Variants in GRID2 observed in about 807,000 individuals in gnomAD.
The protein encoded by GRID2 is glutamate receptor ionotropic, delta-2.
GRID2 carries 33 observed loss-of-function variants against 114.8 expected under a neutral mutation model. That is an observed-to-expected ratio of 0.29 (90% CI 0.22 to 0.38). The LOEUF (loss-of-function observed/expected upper bound fraction) is 0.38, where lower values mean the gene tolerates loss of function less well. Among genes scored for constraint, GRID2 ranks in the 10% least tolerant of loss-of-function variants. GRID2 has a pLI of 1.00. For synonymous variants in GRID2, 505 were observed against 449.9 expected, an observed-to-expected ratio of 1.12 and a Z score of -1.55; for missense variants, 1,184 against 1,257.7, an observed-to-expected ratio of 0.94 and a Z score of 0.89.
At chr4:93,492,361 G>A (rs562785569) in intron 12 of GRID2, among the ~76,000 whole-genome samples, 12 of 151,890 alleles carry the variant, frequency 7.9e-5, no homozygotes, top group East Asian at 2.0e-4. Flanking sequence ...CTCACCCAAA[G>A]CCTGCAGCTA....
At chr4:93,280,434 T>C (rs908233129) in intron 8 of GRID2, among the ~76,000 whole-genome samples, 4 of 152,048 alleles carry the variant, frequency 2.6e-5, no homozygotes, top group African/African-American at 9.7e-5. Flanking sequence ...ATGAAACTGA[T>C]AGGCTATAAA....
intron 14 of GRID2, among the ~76,000 whole-genome samples, chr4:93,697,869 G>GTATATATATTTATATATATATATA (rs1727166543): frequency 8.2e-6 from 1 of 122,658 alleles, no homozygotes; most frequent in Non-Finnish European, 1.7e-5. Context: ...CACAATGTGT[G>GTATATATATTTATATATATATATA]TATATATATA....
At chr4:93,150,294 A>G (rs1455662650) in intron 4 of GRID2, among the ~76,000 whole-genome samples, 1 of 152,160 alleles carries the variant, frequency 6.6e-6, no homozygotes, top group Non-Finnish European at 1.5e-5. Flanking sequence ...GCTCTAGTAC[A>G]GAACACCTTT....
chr4:92,355,267 T>G (rs554959591), intron 1 of GRID2, among the ~76,000 whole-genome samples: 125 of 151,998 alleles, frequency 8.2e-4, no homozygotes, highest in African/African-American at 2.8e-3. Flanking sequence ...TTTTCTCTTC[T>G]TTGAAATGGA....
intron 2 of GRID2, among the ~76,000 whole-genome samples, chr4:92,987,198 T>A (rs1432562479): frequency 6.6e-6 from 1 of 152,158 alleles, no homozygotes; most frequent in Non-Finnish European, 1.5e-5. Context: ...GAAATCAGAA[T>A]CTCTAAAATA....
At chr4:93,317,274 T>A (rs1185987411) in intron 8 of GRID2, among the ~76,000 whole-genome samples, 1 of 152,064 alleles carries the variant, frequency 6.6e-6, no homozygotes, top group African/African-American at 2.4e-5. Flanking sequence ...AAATCTGCTG[T>A]TCATAAGGGA....
chr4:93,627,482 A>G (rs902490953), intron 14 of GRID2, among the ~76,000 whole-genome samples: 1 of 152,212 alleles, frequency 6.6e-6, no homozygotes, highest in Non-Finnish European at 1.5e-5. Flanking sequence ...ATGAAGTTAG[A>G]TTAATTCTAA....
chr4:92,949,592 A>C (rs2058896552), intron 2 of GRID2, among the ~76,000 whole-genome samples: 1 of 151,426 alleles, frequency 6.6e-6, no homozygotes, highest in Non-Finnish European at 1.5e-5. Flanking sequence ...AAAATAGAAA[A>C]AGTAATTGCT....
intron 5 of GRID2, among the ~76,000 whole-genome samples, chr4:93,212,811 C>T (rs1299625620): frequency 1.3e-5 from 2 of 149,382 alleles, no homozygotes; most frequent in African/African-American, 2.5e-5. Flanking sequence ...TTACTCTTGT[C>T]ACCCAGACTG....
chr4:93,212,343 T>G (rs1743626498), intron 5 of GRID2, among the ~76,000 whole-genome samples: 1 of 152,130 alleles, frequency 6.6e-6, no homozygotes, highest in African/African-American at 2.4e-5. Context: ...GAAAACAATA[T>G]ATTTTTTTCA....
chr4:92,659,140 T>C (rs1041490699), intron 2 of GRID2, among the ~76,000 whole-genome samples: 1 of 151,628 alleles, frequency 6.6e-6, no homozygotes, highest in Non-Finnish European at 1.5e-5. Flanking sequence ...TAAAGTTATG[T>C]ATAAAACAAA....
chr4:92,412,008 C>A (rs1263049827), intron 1 of GRID2, among the ~76,000 whole-genome samples: 3 of 151,770 alleles, frequency 2.0e-5, no homozygotes, highest in African/African-American at 7.3e-5. Context: ...TCTTCTTTTT[C>A]TATCTCCTTC....
At chr4:92,846,777 C>CA (rs1301962458) in intron 2 of GRID2, among the ~76,000 whole-genome samples, 4 of 152,182 alleles carry the variant, frequency 2.6e-5, no homozygotes, top group Non-Finnish European at 5.9e-5. Flanking sequence ...GCTCTCCACA[C>CA]AAAAAATACT....
intron 14 of GRID2, among the ~76,000 whole-genome samples, chr4:93,714,102 C>A (rs944464468): frequency 3.3e-5 from 5 of 152,018 alleles, no homozygotes; most frequent in Admixed American, 2.6e-4. Context: ...TCCCCCACCC[C>A]CAACAGGCCC....
intron 8 of GRID2, among the ~76,000 whole-genome samples, chr4:93,337,927 C>T (rs925120622): frequency 1.3e-5 from 2 of 152,148 alleles, no homozygotes; most frequent in Non-Finnish European, 2.9e-5. Context: ...CCCTGCTCCA[C>T]CCTTTGCCTT....
intron 8 of GRID2, among the ~76,000 whole-genome samples, chr4:93,251,456 A>G (rs1427461997): frequency 5.3e-5 from 8 of 152,154 alleles, no homozygotes; most frequent in Non-Finnish European, 7.4e-5. Context: ...TTTAAGCAAA[A>G]CTGTATCATG....
chr4:92,693,652 A>G (rs888689331), intron 2 of GRID2, among the ~76,000 whole-genome samples: 1 of 152,220 alleles, frequency 6.6e-6, no homozygotes, highest in African/African-American at 2.4e-5. Flanking sequence ...GAAGTTACAA[A>G]TTGAGTGGAA....
chr4:92,924,800 A>C (rs1445349219), intron 2 of GRID2, among the ~76,000 whole-genome samples: 2 of 152,112 alleles, frequency 1.3e-5, no homozygotes, highest in African/African-American at 2.4e-5. Flanking sequence ...AAATACTTCA[A>C]ATGATTAATT....
In GRID2 at chr4:92,332,257, T is replaced by G. The variant is rs1024529469; in HGVS notation, c.88+27513T>G. Among the ~76,000 whole-genome samples, 6 of 152,230 alleles carry G rather than the reference T, an allele frequency of 3.9e-5. No homozygotes were observed. The East Asian group carries it at 9.7e-4, about 25-fold the overall frequency. ...ATCTTGTGAGGGTCTTCTTGCAGCATCATCTAATGGCACAAGGCAGAAGGG... is the reference window on the plus strand; with the variant it reads ...ATCTTGTGAGGGTCTTCTTGCAGCAGCATCTAATGGCACAAGGCAGAAGGG... On this transcript the variant is annotated intron_variant, in intron 1 of 15. Transcript: ENST00000282020.
Sources: allele counts gnomAD v4.1 joint callset (sites outside exome capture counted in the v4.1 genomes callset), GRCh38; gene constraint gnomAD v4.1.1; transcripts MANE v1.5; gene names NCBI Gene and HGNC (gene_info 2026-07-23, HGNC 2026-07-21).